Variants in PHACTR1 observed in about 807,000 individuals in gnomAD.
The protein encoded by PHACTR1 is phosphatase and actin regulator 1.
PHACTR1 carries 16 observed loss-of-function variants against 69.2 expected under a neutral mutation model. That is an observed-to-expected ratio of 0.23 (90% CI 0.16 to 0.35). The LOEUF is 0.35. Ranked by LOEUF, PHACTR1 falls within the 10% of genes least tolerant of loss-of-function variation. The pLI is 1.00. For missense variants in PHACTR1, 510 were observed against 734.7 expected (o/e 0.69, Z 3.54); for synonymous variants, 312 against 284.5 (o/e 1.10, Z -0.97).
At chr6:12,941,337 G>A (rs1790033381) in intron 4 of PHACTR1, among the ~76,000 whole-genome samples, 1 of 152,142 alleles carries the variant, frequency 6.6e-6, no homozygotes, top group African/African-American at 2.4e-5. Flanking sequence ...TTGGCCCACT[G>A]CAGTTGTGGC....
intron 4 of PHACTR1, among the ~76,000 whole-genome samples, chr6:13,034,009 ACTTTTT>A (rs1162670262): frequency 1.6e-4 from 22 of 135,398 alleles, no homozygotes; most frequent in Admixed American, 3.2e-4. Context: ...GAAGGACAGG[ACTTTTT>A]CTTTTTTCTT....
At chr6:12,735,947 G>T (rs1764193596) in intron 3 of PHACTR1, among the ~76,000 whole-genome samples, 1 of 152,162 alleles carries the variant, frequency 6.6e-6, no homozygotes, top group Admixed American at 6.5e-5. Context: ...TCCTCTCCCT[G>T]TGTAGCCCAC....
intron 4 of PHACTR1, among the ~76,000 whole-genome samples, chr6:12,845,668 G>C (rs2127749654): frequency 6.6e-6 from 1 of 152,186 alleles, no homozygotes; most frequent in Non-Finnish European, 1.5e-5. Context: ...TCTTTAGTTT[G>C]CTTCCTGCAC....
intron 4 of PHACTR1, among the ~76,000 whole-genome samples, chr6:13,018,878 T>C (rs1025096223): frequency 6.6e-6 from 1 of 152,032 alleles, no homozygotes; most frequent in Non-Finnish European, 1.5e-5. Context: ...TGTTTATTTA[T>C]TTATTTACTT....
chr6:13,123,144 A>T (rs749158313), intron 5 of PHACTR1, among the ~76,000 whole-genome samples: 2 of 152,182 alleles, frequency 1.3e-5, no homozygotes, highest in Non-Finnish European at 2.9e-5. Context: ...GAAGATAAAC[A>T]TTTCTTATAT....
chr6:13,282,147 T>C (rs536415881), intron 12 of PHACTR1, among the ~76,000 whole-genome samples: 6 of 152,326 alleles, frequency 3.9e-5, no homozygotes, highest in East Asian at 3.9e-4. Flanking sequence ...TTGGACTCCA[T>C]TGTGTTTGTT....
chr6:13,052,138 C>T (rs566707918), intron 4 of PHACTR1, among the ~76,000 whole-genome samples: 4 of 152,322 alleles, frequency 2.6e-5, no homozygotes, highest in East Asian at 1.9e-4. Flanking sequence ...TTACTTCTGA[C>T]GTGTCTCTCA....
chr6:13,078,395 C>T (rs1810874614), intron 5 of PHACTR1, among the ~76,000 whole-genome samples: 1 of 152,162 alleles, frequency 6.6e-6, no homozygotes, highest in Non-Finnish European at 1.5e-5. Flanking sequence ...ATGACCTTAT[C>T]TTAATCCAAT....
At chr6:12,921,232 T>C (rs997517186) in intron 4 of PHACTR1, among the ~76,000 whole-genome samples, 1 of 152,202 alleles carries the variant, frequency 6.6e-6, no homozygotes, top group Non-Finnish European at 1.5e-5. Flanking sequence ...AGTAATTTTT[T>C]AGATCAGGTC....
At chr6:13,184,582 G>A (rs946429730) in intron 7 of PHACTR1, among the ~76,000 whole-genome samples, 3 of 152,092 alleles carry the variant, frequency 2.0e-5, no homozygotes, top group African/African-American at 4.8e-5. Context: ...TGCTCTTCCC[G>A]CCTCCACTCT....
At chr6:12,934,273 A>G (rs891959900) in intron 4 of PHACTR1, among the ~76,000 whole-genome samples, 8 of 152,122 alleles carry the variant, frequency 5.3e-5, no homozygotes, top group African/African-American at 1.9e-4. Flanking sequence ...TTATAAAGTC[A>G]CCAGTCAAAT....
chr6:13,219,163 T>G (rs1490960656), intron 8 of PHACTR1, among the ~76,000 whole-genome samples: 1 of 152,222 alleles, frequency 6.6e-6, no homozygotes. Context: ...GACTCGGGAC[T>G]GCCATTTTCC....
intron 4 of PHACTR1, among the ~76,000 whole-genome samples, chr6:13,033,111 A>G (rs1802713762): frequency 6.6e-6 from 1 of 152,012 alleles, no homozygotes; most frequent in South Asian, 2.1e-4. Context: ...TTGCAACTAC[A>G]TATATAAGGA....
intron 7 of PHACTR1, among the ~76,000 whole-genome samples, chr6:13,202,728 C>T (rs931326134): frequency 2.0e-5 from 3 of 152,216 alleles, no homozygotes; most frequent in African/African-American, 4.8e-5. Context: ...CCACCTGCCT[C>T]GGCCTCGAAA....
At chr6:13,062,869 G>T (rs1238181363) in intron 5 of PHACTR1, among the ~76,000 whole-genome samples, 1 of 152,174 alleles carries the variant, frequency 6.6e-6, no homozygotes, top group Non-Finnish European at 1.5e-5. Context: ...AGACTCTATG[G>T]CCCATCACTG....
At chr6:13,189,959 G>A (rs1366455150) in intron 7 of PHACTR1, among the ~76,000 whole-genome samples, 2 of 151,006 alleles carry the variant, frequency 1.3e-5, no homozygotes, top group Non-Finnish European at 2.9e-5. Context: ...CTTGTAGACA[G>A]CTCCCTTCTC....
intron 7 of PHACTR1, among the ~76,000 whole-genome samples, chr6:13,193,767 A>G (rs1447515315): frequency 6.6e-6 from 1 of 152,058 alleles, no homozygotes; most frequent in African/African-American, 2.4e-5. Flanking sequence ...TTGAGAGCAG[A>G]TGAATGTGTC....
At chr6:12,753,185 A>T (rs771643616) in intron 4 of PHACTR1, among the ~76,000 whole-genome samples, 1 of 152,254 alleles carries the variant, frequency 6.6e-6, no homozygotes, top group Non-Finnish European at 1.5e-5. Context: ...ATTCTCACTT[A>T]GAATGAACCC....
chr6:12,820,801 A>G (rs1482321591), intron 4 of PHACTR1, among the ~76,000 whole-genome samples: 1 of 152,236 alleles, frequency 6.6e-6, no homozygotes, highest in Non-Finnish European at 1.5e-5. Flanking sequence ...GATTGAGAAA[A>G]GAAGCTGAGT....
Sources: allele counts gnomAD v4.1 joint callset (sites outside exome capture counted in the v4.1 genomes callset), GRCh38; gene constraint gnomAD v4.1.1; transcripts MANE v1.5; gene names NCBI Gene and HGNC (gene_info 2026-07-23, HGNC 2026-07-21).